The following NFATC3 variants were observed in gnomAD, a reference collection of about 807,000 sequenced individuals.
The protein encoded by NFATC3 is nuclear factor of activated T cells 3, also known as nuclear factor of activated T-cells, cytoplasmic 3.
NFATC3 carries 46 observed loss-of-function variants against 98.6 expected under a neutral mutation model. The ratio of observed to expected loss-of-function variants is 0.47; its 90% CI spans 0.37 to 0.60. The LOEUF is 0.60. NFATC3 is among the 20% of genes least tolerant of loss of function. The pLI, the probability that NFATC3 is intolerant of heterozygous loss-of-function variation, is 0.00. For synonymous variants in NFATC3, 512 were observed against 472.2 expected (o/e 1.08, Z -1.09); for missense variants, 1,256 against 1,295.5 (o/e 0.97, Z 0.47).
At chr16:68,113,910 A>G (rs762842925) in intron 1 of NFATC3, among the ~76,000 whole-genome samples, 2 of 152,186 alleles carry the variant, frequency 1.3e-5, no homozygotes, top group Non-Finnish European at 2.9e-5. Flanking sequence ...CCAAACCGCC[A>G]AGTTTCCCCA....
intron 9 of NFATC3, 58 bp from the exon 10 acceptor site, chr16:68,226,292 C>CACTA: frequency 6.6e-7 from 1 of 1,525,512 alleles, no homozygotes; most frequent in Non-Finnish European, 8.7e-7. Flanking sequence ...CAGCGTTGGG[C>CACTA]ATCATATGGC....
chr16:68,143,203 C>G (rs767200645), intron 3 of NFATC3, among the ~76,000 whole-genome samples: 36 of 128,822 alleles, frequency 2.8e-4, no homozygotes, highest in Non-Finnish European at 4.9e-4. Flanking sequence ...AACAGCAAGA[C>G]CATGCTAAAA....
chr16:68,221,208 G>T, intron 9 of NFATC3: 11 of 1,614,068 alleles, frequency 6.8e-6, no homozygotes, highest in Non-Finnish European at 9.3e-6. Context: ...TTGTTTACCA[G>T]TAATAATTTT....
At chr16:68,125,067 A>G (rs572999329) in intron 2 of NFATC3, among the ~76,000 whole-genome samples, 1 of 152,340 alleles carries the variant, frequency 6.6e-6, no homozygotes, top group African/African-American at 2.4e-5. Flanking sequence ...TTATTTCTCA[A>G]TCCTGATCTT....
In NFATC3 at chr16:68,122,996, T is replaced by C; in HGVS notation, c.1113T>C (p.Thr371=). 1 of 1,614,114 alleles carries C rather than the reference T, an allele frequency of 6.2e-7. No homozygotes were observed. The highest frequency in any genetic ancestry group is 8.5e-7 in the Non-Finnish European group (1 of 1,180,036). The part of the protein sequence containing the change: ...DQGSLSPARE[T]SIDDGLGSQY... ...GGAGTTTATCACCAGCCCGGGAGACTTCAATAGATGATGGCCTTGGATCTC... is the reference window on the plus strand; with the variant it reads ...GGAGTTTATCACCAGCCCGGGAGACCTCAATAGATGATGGCCTTGGATCTC... The change falls in exon 2 of 10, where the codon ACT becomes ACC. Residue 371 remains threonine (T), a synonymous_variant. Coordinates refer to ENST00000346183, the MANE Select transcript of NFATC3 (RefSeq NM_173165.3).
At chr16:68,214,224 A>T in intron 9 of NFATC3, 2 of 760,420 alleles carry the variant, frequency 2.6e-6, no homozygotes, top group Non-Finnish European at 4.5e-6. Context: ...AAAGACAGTT[A>T]AATTCCTTTT....
At chr16:68,181,212 T>C (rs1414879948) in intron 6 of NFATC3, among the ~76,000 whole-genome samples, 2 of 152,206 alleles carry the variant, frequency 1.3e-5, no homozygotes, top group African/African-American at 4.8e-5. Flanking sequence ...CGGTGTGAGA[T>C]GGTATCTCTC....
At chr16:68,136,605 A>T (rs1357610718) in intron 3 of NFATC3, among the ~76,000 whole-genome samples, 2 of 152,174 alleles carry the variant, frequency 1.3e-5, no homozygotes, top group African/African-American at 4.8e-5. Context: ...AAGTTCTTTA[A>T]AAAGGGCAAA....
intron 1 of NFATC3, among the ~76,000 whole-genome samples, chr16:68,092,463 A>AT (rs1555512513): frequency 5.6e-4 from 83 of 149,118 alleles, no homozygotes; most frequent in African/African-American, 1.9e-3. Flanking sequence ...AAAAAAAAAA[A>AT]AAATAAATAA....
intron 9 of NFATC3, among the ~76,000 whole-genome samples, chr16:68,207,874 T>C (rs2041214926): frequency 6.6e-6 from 1 of 152,114 alleles, no homozygotes; most frequent in Non-Finnish European, 1.5e-5. Flanking sequence ...TGCCAACACA[T>C]GTTATTTTCC....
chr16:68,144,744 G>A (rs998584682), intron 3 of NFATC3, among the ~76,000 whole-genome samples: 7 of 151,900 alleles, frequency 4.6e-5, no homozygotes, highest in Non-Finnish European at 1.0e-4. Context: ...TGCCACCTCC[G>A]CCTCCCAGGT....
At chr16:68,098,871 A>C (rs2035185739) in intron 1 of NFATC3, among the ~76,000 whole-genome samples, 1 of 152,210 alleles carries the variant, frequency 6.6e-6, no homozygotes, top group Admixed American at 6.5e-5. Context: ...CATTTAAAAA[A>C]GCTTTTTATT....
intron 1 of NFATC3, among the ~76,000 whole-genome samples, chr16:68,103,479 G>A (rs1007350525): frequency 1.3e-5 from 2 of 152,198 alleles, no homozygotes; most frequent in Non-Finnish European, 2.9e-5. Context: ...CAAAGGGTTG[G>A]GATTACAGGC....
chr16:68,162,438 A>G (rs187273001), intron 4 of NFATC3, among the ~76,000 whole-genome samples: 163 of 152,294 alleles, frequency 1.1e-3, no homozygotes, highest in Middle Eastern at 3.4e-3. Flanking sequence ...AGATAAGACC[A>G]TGGTTCAAAA....
In NFATC3 at chr16:68,122,785, C is replaced by G; in HGVS notation, c.902C>G (p.Pro301Arg). 1 of 1,614,242 alleles carries G rather than the reference C, an allele frequency of 6.2e-7. No homozygotes were observed. Among genetic ancestry groups the G allele is most frequent in the Non-Finnish European group, 8.5e-7 (1 of 1,180,046 alleles). Residue 301 changes from proline (P) to arginine (R), a missense_variant, in exon 2 of 10, where the codon CCC becomes CGC. Transcript: ENST00000346183. ...HSPVPSPGHS[P>R]RGSVTEDTWL... Reference sequence around the variant, plus strand: ...CCTGTTCCTTCACCTGGTCACTCCCCCAGGGGAAGTGTGACAGAAGATACG... The same window carrying G: ...CCTGTTCCTTCACCTGGTCACTCCCGCAGGGGAAGTGTGACAGAAGATACG...
intron 9 of NFATC3, chr16:68,214,333 AT>A: frequency 1.9e-6 from 3 of 1,614,098 alleles, no homozygotes; most frequent in Non-Finnish European, 2.5e-6. Flanking sequence ...ACACAGACCA[AT>A]TTATATCTGA....
intron 1 of NFATC3, among the ~76,000 whole-genome samples, chr16:68,098,291 ATTATTATTATTT>A (rs1303201349): frequency 1.9e-5 from 2 of 107,890 alleles, no homozygotes; most frequent in Non-Finnish European, 3.6e-5. Context: ...TATTATTATT[ATTATTATTATTT>A]TTTTTTTTTT....
In NFATC3 at chr16:68,122,054, C is replaced by T. The variant is rs2036610187; in HGVS notation, c.171C>T (p.Thr57=). 6.2e-7 allele frequency: 1 copy of T among 1,613,772 alleles called. No individual in the cohort carries two copies. Among genetic ancestry groups the T allele is most frequent in the Non-Finnish European group, 8.5e-7 (1 of 1,179,988 alleles). ...FNVDPPPSTL[T]TPLCLPHHGL... ...TAGATCCACCTCCATCTACTTTAAC[C>T]ACACCACTTTGCTTACCACATCATG... Residue 57 remains threonine, a synonymous_variant, in exon 2 of 10, where the codon ACC becomes ACT. Transcript: ENST00000346183.
chr16:68,147,935 T>C (rs2038120030), intron 3 of NFATC3, among the ~76,000 whole-genome samples: 1 of 152,112 alleles, frequency 6.6e-6, no homozygotes, highest in African/African-American at 2.4e-5. Context: ...CTGAAATTTG[T>C]TTTTGCACAG....
Sources: allele counts gnomAD v4.1 joint callset (sites outside exome capture counted in the v4.1 genomes callset), GRCh38; gene constraint gnomAD v4.1.1; transcripts MANE v1.5; gene names NCBI Gene and HGNC (gene_info 2026-07-23, HGNC 2026-07-21).